MBNL3: variants seen among roughly 807,000 people sequenced by gnomAD.
MBNL3 encodes muscleblind like splicing regulator 3.
MBNL3 carries 6 observed loss-of-function variants against 24.5 expected under a neutral mutation model. The observed-to-expected ratio is 0.25, with a 90% CI of 0.13 to 0.48. MBNL3 has a LOEUF of 0.48. Among genes scored for constraint, MBNL3 ranks in the 20% least tolerant of loss-of-function variants. MBNL3 has a pLI of 0.99. For missense variants in MBNL3, 230 were observed against 293.5 expected (o/e 0.78, Z 1.58); for synonymous variants, 100 against 101.7 (o/e 0.98, Z 0.10).
At chrX:132,439,298 C>T (rs1945280668) in intron 2 of MBNL3, 137 bp downstream of exon 2, 1 of 661,617 alleles carries the variant, frequency 1.5e-6, no homozygotes, top group South Asian at 4.2e-5. Flanking sequence ...TCTATCTTGA[C>T]ATTCTGTTTT....
chrX:132,485,909 ATC>A (rs985490983), intron 1 of MBNL3, among the ~76,000 whole-genome samples: 4 of 112,336 alleles, frequency 3.6e-5, no homozygotes, highest in Non-Finnish European at 7.5e-5. Context: ...GGAAAAATCC[ATC>A]TGTTTTGCCT....
At chrX:132,473,716 T>C (rs1298046673) in intron 1 of MBNL3, among the ~76,000 whole-genome samples, 1 of 111,745 alleles carries the variant, frequency 8.9e-6, no homozygotes, top group Non-Finnish European at 1.9e-5. Context: ...AATGTGGTAT[T>C]TGTTTCAACC....
At chrX:132,408,092 CTTTTT>C (rs60044820) in intron 2 of MBNL3, among the ~76,000 whole-genome samples, 2 of 22,571 alleles carry the variant, frequency 8.9e-5, no homozygotes, top group Non-Finnish European at 1.6e-4. Flanking sequence ...GAATTTCAGT[CTTTTT>C]TTTTTTTTTT....
In MBNL3 at chrX:132,375,808, TAAAGG is replaced by T. The variant is rs1471641246; in HGVS notation, c.*3853_*3857del. Reference sequence around the variant, plus strand: ...GTACCTCATAGCCTACCCTACAGACTAAAGGAACTCGGAAAACTTGTGGCTGCATT... The same window carrying T: ...GTACCTCATAGCCTACCCTACAGACTAACTCGGAAAACTTGTGGCTGCATT... On this transcript the variant is annotated 3_prime_UTR_variant, in exon 9 of 9. Coordinates refer to ENST00000370853, the MANE Select transcript of MBNL3 (RefSeq NM_001386889.1). The T allele has an allele frequency of 9.0e-6, 1 of 111,584 alleles. No homozygotes were observed. Among genetic ancestry groups the T allele is most frequent in the African/African-American group, 3.2e-5 (1 of 30,776 alleles). The allele number at this position is 111,584 out of a possible 1,213,427, so 9.2% of individuals were successfully genotyped here. A position where few individuals can be genotyped will look rare whatever the true frequency, so the allele number is the denominator to read the frequency against.
chrX:132,438,039 C>T (rs1447256504), intron 2 of MBNL3: 5 of 197,551 alleles, frequency 2.5e-5, no homozygotes, highest in Non-Finnish European at 3.8e-5. Flanking sequence ...AATCCAAAAA[C>T]CTGAAGTATA....
chrX:132,475,492 A>G (rs1211067475), intron 1 of MBNL3, among the ~76,000 whole-genome samples: 1 of 111,704 alleles, frequency 9.0e-6, no homozygotes, highest in Non-Finnish European at 1.9e-5. Flanking sequence ...TTTTAGCCTG[A>G]TATCTATTAG....
intron 6 of MBNL3, 77 bp from the exon 7 acceptor site, chrX:132,384,775 T>A: frequency 1.2e-6 from 1 of 839,644 alleles, no homozygotes; most frequent in Non-Finnish European, 1.6e-6. Context: ...AAATACATTT[T>A]AACAGAAAGA....
At chrX:132,479,220 G>A (rs905756296) in intron 1 of MBNL3, among the ~76,000 whole-genome samples, 8 of 112,037 alleles carry the variant, frequency 7.1e-5, no homozygotes, top group Admixed American at 5.6e-4. Context: ...CTGCACTCTA[G>A]CCTGGGCGAA....
chrX:132,415,159 A>G (rs746980134), intron 2 of MBNL3, among the ~76,000 whole-genome samples: 1 of 111,766 alleles, frequency 8.9e-6, no homozygotes, highest in Non-Finnish European at 1.9e-5. Context: ...TAGGCTTTCC[A>G]TGACTTAAGG....
chrX:132,381,428 G>A (rs751427007), intron 8 of MBNL3: 5 of 1,128,724 alleles, frequency 4.4e-6, no homozygotes, highest in Admixed American at 2.3e-5. Flanking sequence ...TGATAATTGG[G>A]GTATCTATAG....
intron 1 of MBNL3, among the ~76,000 whole-genome samples, chrX:132,472,712 T>C: frequency 8.9e-6 from 1 of 112,155 alleles, no homozygotes. Context: ...TAAAGACTTT[T>C]GGGGAAAATA....
intron 5 of MBNL3, among the ~76,000 whole-genome samples, chrX:132,387,496 A>G (rs1936311312): frequency 9.0e-6 from 1 of 111,301 alleles, no homozygotes; most frequent in African/African-American, 3.3e-5. Context: ...CAACAGATAT[A>G]GCAGGAAAGA....
chrX:132,382,772 G>T (rs1935247489), intron 7 of MBNL3, among the ~76,000 whole-genome samples: 1 of 111,982 alleles, frequency 8.9e-6, no homozygotes. Context: ...GTGCAAACAG[G>T]CAGTTATATG....
Position 132,469,607 on chromosome X carries a change from C to T in MBNL3, c.-704+19244G>A, listed in dbSNP as rs368516294. ...TTGCCTCTGTTTAAAAATAGATCAA[C>T]AATCCCCTCAATTTAGCTATTGATT... On this transcript the variant is annotated intron_variant, in intron 1 of 8. Coordinates refer to ENST00000370853, the MANE Select transcript of MBNL3 (RefSeq NM_001386889.1). 8.4e-4 allele frequency among the ~76,000 whole-genome samples: 94 copies of T among 111,985 alleles called. No individual in the cohort carries two copies. In the South Asian group the frequency reaches 0.034, roughly 40 times the overall value.
At chrX:132,450,396 G>A (rs988930413) in intron 1 of MBNL3, among the ~76,000 whole-genome samples, 42 of 110,930 alleles carry the variant, frequency 3.8e-4, no homozygotes, top group African/African-American at 1.3e-3. Context: ...TTGTCTTCAC[G>A]CTTTATTTCA....
intron 3 of MBNL3, among the ~76,000 whole-genome samples, chrX:132,392,690 A>G (rs1026154253): frequency 8.9e-6 from 1 of 111,920 alleles, no homozygotes; most frequent in African/African-American, 3.2e-5. Context: ...CATATGGACA[A>G]TCTTCTTTGT....
intron 2 of MBNL3, among the ~76,000 whole-genome samples, chrX:132,435,996 A>C (rs1199846358): frequency 8.9e-6 from 1 of 112,438 alleles, no homozygotes; most frequent in Non-Finnish European, 1.9e-5. Context: ...TTGGCTATGA[A>C]AACAATCACA....
chrX:132,379,632 A>T lies in MBNL3; in HGVS notation c.*34T>A, dbSNP rs1281410698. On this transcript the variant is annotated 3_prime_UTR_variant, in exon 9 of 9. Transcript: ENST00000370853. The stretch of plus-strand genomic sequence containing the variant: ...ATAGAAAGGCCATATGGAGGTTTCC[A>T]TGGAAAGATTCTGATACTCCATAAC... 8.4e-7 allele frequency: 1 copy of T among 1,187,303 alleles called. No homozygotes were observed. The highest frequency in any genetic ancestry group is 1.8e-5 in the South Asian group (1 of 54,610).
At position 132,376,153 on chromosome X, in the gene MBNL3, A is replaced by C. The variant is rs753698658; in HGVS notation, c.*3513T>G. 8.1e-5 allele frequency: 9 copies of C among 111,084 alleles called. No individual in the cohort carries two copies. Among genetic ancestry groups the C allele is most frequent in the Non-Finnish European group, 1.3e-4 (7 of 52,860 alleles). The allele number at this position is 111,084 out of a possible 1,213,427, so 9.2% of individuals were successfully genotyped here. On this transcript the variant is annotated 3_prime_UTR_variant, in exon 9 of 9. Coordinates refer to ENST00000370853, the MANE Select transcript of MBNL3 (RefSeq NM_001386889.1). ...TAGGACAACACTTATGGCAAGATCAAAGTGCTTCAGCATGTTCAAAAACGG... is the reference window on the plus strand; with the variant it reads ...TAGGACAACACTTATGGCAAGATCACAGTGCTTCAGCATGTTCAAAAACGG...
Sources: allele counts gnomAD v4.1 joint callset (sites outside exome capture counted in the v4.1 genomes callset), GRCh38; gene constraint gnomAD v4.1.1; transcripts MANE v1.5; gene names NCBI Gene and HGNC (gene_info 2026-07-23, HGNC 2026-07-21).